The following MYO3A variants were observed in gnomAD, a reference collection of about 807,000 sequenced individuals.
The protein encoded by MYO3A is myosin IIIA, also known as myosin-IIIa.
MYO3A carries 180 observed loss-of-function variants against 192.7 expected under a neutral mutation model. That is an observed-to-expected ratio of 0.93 (90% CI 0.83 to 1.06). MYO3A has a LOEUF of 1.06. Ranked by LOEUF, MYO3A falls within the 50% of genes least tolerant of loss-of-function variation. The pLI is 0.00. For missense variants in MYO3A, 1,896 were observed against 1,905.0 expected (o/e 1.00, Z 0.09); for synonymous variants, 628 against 645.3 (o/e 0.97, Z 0.41).
chr10:25,961,025 T>C (rs1243740678), intron 4 of MYO3A, among the ~76,000 whole-genome samples: 2 of 152,216 alleles, frequency 1.3e-5, no homozygotes, highest in African/African-American at 4.8e-5. Flanking sequence ...TGGATAATTT[T>C]AGAGTTTAAT....
chr10:26,128,566 G>A, intron 20 of MYO3A, 28 bp downstream of exon 20: 1 of 1,572,802 alleles, frequency 6.4e-7, no homozygotes, highest in Non-Finnish European at 8.7e-7. Flanking sequence ...CTATAAATAT[G>A]CATGCATGCA....
chr10:26,202,965 C>A lies in MYO3A; in HGVS notation c.4588C>A (p.Gln1530Lys). 1 of 1,613,428 alleles carries A rather than the reference C, an allele frequency of 6.2e-7. No individual in the cohort carries two copies. The highest frequency in any genetic ancestry group is 1.1e-5 in the South Asian group (1 of 91,030). The change falls in exon 34 of 35, where the codon CAG becomes AAG. Residue 1530 changes from glutamine to lysine, a missense_variant and splice_region_variant. Transcript: ENST00000642920. Reference protein sequence around the residue: ...EEKRRPRKDSQGKLLDLEDFY... With the variant: ...EEKRRPRKDSKGKLLDLEDFY... Reference sequence around the variant, plus strand: ...GTGTGTTTATGTGTTCATTTACAGTCAGGGAAAATTATTAGATTTGGAAGA... The same window carrying A: ...GTGTGTTTATGTGTTCATTTACAGTAAGGGAAAATTATTAGATTTGGAAGA...
chr10:26,114,641 AAAAC>A (rs1190984189), intron 17 of MYO3A, among the ~76,000 whole-genome samples: 1 of 152,234 alleles, frequency 6.6e-6, no homozygotes, highest in Non-Finnish European at 1.5e-5. Flanking sequence ...TAAGAGACAT[AAAAC>A]AAATAAGAAA....
rs557216871 is a variant in MYO3A at position 26,145,632 on chromosome 10, T to C, written c.2505+98T>C. ...TATGGCCCAAAATGTTTATAGATAA[T>C]GATAATGTCATAGCTGTCTGTTTCC... On this transcript the variant is annotated intron_variant, in intron 22 of 34. Coordinates refer to ENST00000642920, the MANE Select transcript of MYO3A (RefSeq NM_017433.5). 4.9e-5 allele frequency: 47 copies of C among 953,012 alleles called. No individual in the cohort carries two copies. The East Asian group carries it at 1.1e-3, about 22-fold the overall frequency. 59.0% of individuals were successfully genotyped at this position (953,012 alleles called of 1,614,324 possible). A position where few individuals can be genotyped will look rare whatever the true frequency, so the allele number is the denominator to read the frequency against.
At position 26,026,953 on chromosome 10, in the gene MYO3A, G is replaced by T. The variant is rs527462921; in HGVS notation, c.953+421G>T. Reference sequence around the variant, plus strand: ...CTGACCTTGTGATCCGCCCACCTCGGCTTCCCAAAGTGCTGGCATTACAGG... The same window carrying T: ...CTGACCTTGTGATCCGCCCACCTCGTCTTCCCAAAGTGCTGGCATTACAGG... On this transcript the variant is annotated intron_variant, in intron 10 of 34. Transcript: ENST00000642920. 3.3e-5 allele frequency among the ~76,000 whole-genome samples: 5 copies of T among 152,276 alleles called. No individual in the cohort carries two copies. In the East Asian group the frequency reaches 9.6e-4, roughly 29 times the overall value.
chr10:25,942,006 C>CT lies in MYO3A; in HGVS notation c.-18+6190dup, dbSNP rs151243879. On this transcript the variant is annotated intron_variant, in intron 2 of 34. Coordinates refer to ENST00000642920, the MANE Select transcript of MYO3A (RefSeq NM_017433.5). ...TCTTTTCTTTCTTACTTTCTTTTTT[C>CT]TTTTTTTTTTTTTTAGATGGAGTCT... Among the ~76,000 whole-genome samples, 1,160 of 139,174 alleles carry CT rather than the reference C, an allele frequency of 8.3e-3. 9 individuals carry two copies. The highest frequency in any genetic ancestry group is 0.02 in the South Asian group (87 of 4,346). 91.3% of individuals were successfully genotyped at this position (139,174 alleles called of 152,430 possible).
intron 14 of MYO3A, among the ~76,000 whole-genome samples, chr10:26,076,397 A>C (rs1835577908): frequency 6.6e-6 from 1 of 152,010 alleles, no homozygotes; most frequent in African/African-American, 2.4e-5. Context: ...TTTGGTTATT[A>C]GTCCTTTGTC....
intron 17 of MYO3A, among the ~76,000 whole-genome samples, chr10:26,119,000 T>C (rs552135383): frequency 2.0e-5 from 3 of 152,312 alleles, no homozygotes; most frequent in African/African-American, 7.2e-5. Context: ...GAGTTCTTAC[T>C]GCACTGTTCC....
chr10:26,054,954 A>G (rs1322441995), intron 10 of MYO3A, among the ~76,000 whole-genome samples: 1 of 152,198 alleles, frequency 6.6e-6, no homozygotes, highest in Non-Finnish European at 1.5e-5. Context: ...TATAGCAGCA[A>G]TGGGAAACTA....
chr10:26,189,813 C>T (rs1231111504), intron 31 of MYO3A, among the ~76,000 whole-genome samples: 2 of 151,984 alleles, frequency 1.3e-5, no homozygotes, highest in Non-Finnish European at 2.9e-5. Context: ...CGCCTGTAAT[C>T]CCAGCACTTT....
chr10:26,127,250 C>A (rs757744539), intron 19 of MYO3A, among the ~76,000 whole-genome samples: 1 of 152,118 alleles, frequency 6.6e-6, no homozygotes, highest in African/African-American at 2.4e-5. Flanking sequence ...ATAGATCTTA[C>A]TTTAAGAATC....
intron 26 of MYO3A, among the ~76,000 whole-genome samples, chr10:26,163,922 AAGAG>A (rs1292774651): frequency 6.6e-6 from 1 of 152,196 alleles, no homozygotes; most frequent in African/African-American, 2.4e-5. Flanking sequence ...CAGGGAGACT[AAGAG>A]GGAGGAGGAG....
intron 10 of MYO3A, among the ~76,000 whole-genome samples, chr10:26,038,019 G>A (rs562679309): frequency 5.3e-4 from 81 of 152,270 alleles, no homozygotes; most frequent in African/African-American, 1.9e-3. Context: ...GTGGATTTAT[G>A]GACTTATCGC....
intron 4 of MYO3A, among the ~76,000 whole-genome samples, chr10:25,973,991 G>A (rs989715331): frequency 3.3e-5 from 5 of 152,054 alleles, no homozygotes; most frequent in African/African-American, 1.2e-4. Flanking sequence ...AAAAACCCTC[G>A]AAGAAAACCT....
intron 4 of MYO3A, among the ~76,000 whole-genome samples, chr10:25,957,386 T>C (rs1837621643): frequency 6.6e-6 from 1 of 152,180 alleles, no homozygotes; most frequent in African/African-American, 2.4e-5. Context: ...CCACCATGAT[T>C]GTGAGGCCTC....
intron 14 of MYO3A, among the ~76,000 whole-genome samples, chr10:26,075,294 A>G (rs745517373): frequency 6.7e-6 from 1 of 149,598 alleles, no homozygotes; most frequent in Non-Finnish European, 1.5e-5. Context: ...TAATTTTTCC[A>G]TAGTTATCGG....
chr10:26,052,675 C>T (rs931870341), intron 10 of MYO3A, among the ~76,000 whole-genome samples: 1 of 152,174 alleles, frequency 6.6e-6, no homozygotes, highest in Non-Finnish European at 1.5e-5. Context: ...CAAAAGATTG[C>T]TATTCTACCC....
chr10:26,160,933 A>G (rs887560911), intron 26 of MYO3A, among the ~76,000 whole-genome samples: 3 of 152,228 alleles, frequency 2.0e-5, no homozygotes, highest in African/African-American at 7.2e-5. Flanking sequence ...CATAATGAGA[A>G]TAAAACCTAT....
intron 10 of MYO3A, among the ~76,000 whole-genome samples, chr10:26,044,657 C>G (rs556401663): frequency 6.6e-6 from 1 of 152,232 alleles, no homozygotes; most frequent in Admixed American, 6.5e-5. Context: ...AGTAGCAAAG[C>G]CTTAATGATT....
Sources: allele counts gnomAD v4.1 joint callset (sites outside exome capture counted in the v4.1 genomes callset), GRCh38; gene constraint gnomAD v4.1.1; transcripts MANE v1.5; gene names NCBI Gene and HGNC (gene_info 2026-07-23, HGNC 2026-07-21).